ZNF469: variants seen among roughly 807,000 people sequenced by gnomAD.
ZNF469 encodes the protein zinc finger protein 469.
In ZNF469, 1 loss-of-function variant was observed where a neutral mutation model predicts 1.0. The ratio of observed to expected loss-of-function variants is 1.00; its 90% CI spans 0.35 to 4.73. ZNF469 has a LOEUF of 4.73. Ranked by LOEUF, ZNF469 falls within the 30% of genes most tolerant of loss-of-function variation. The pLI is 0.16. For synonymous variants in ZNF469, 2,703 were observed against 2,363.4 expected, an observed-to-expected ratio of 1.14 and a Z score of -4.17; for missense variants, 6,100 against 5,356.3, an observed-to-expected ratio of 1.14 and a Z score of -4.33.
chr16:88,267,542 C>A, the ZNF469 span, among the ~76,000 whole-genome samples: 47 of 152,220 alleles, frequency 3.1e-4, no homozygotes, highest in African/African-American at 1.1e-3. Context: ...AAATAAAGAG[C>A]CTACTTTTCC....
chr16:88,389,139 A>G (rs1264640512), intron 1 of ZNF469, among the ~76,000 whole-genome samples: 1 of 152,160 alleles, frequency 6.6e-6, no homozygotes, highest in Non-Finnish European at 1.5e-5. Flanking sequence ...TATCACCCCA[A>G]AAAAAACCCT....
chr16:88,199,838 C>T, the ZNF469 span, among the ~76,000 whole-genome samples: 3 of 152,166 alleles, frequency 2.0e-5, no homozygotes, highest in Non-Finnish European at 2.9e-5. Flanking sequence ...CAGGCAGAGG[C>T]GCTGGTTTGT....
the ZNF469 span, among the ~76,000 whole-genome samples, chr16:88,318,754 C>T: frequency 6.6e-6 from 1 of 152,204 alleles, no homozygotes; most frequent in African/African-American, 2.4e-5. Flanking sequence ...AGGGGATGCT[C>T]CCTTGGAAAG....
rs1349347394 is a variant in ZNF469 at position 88,431,164 on chromosome 16, G to A, written c.3694G>A (p.Glu1232Lys). 11 of 1,550,144 alleles carry A rather than the reference G, an allele frequency of 7.1e-6. No homozygotes were observed. Among genetic ancestry groups the A allele is most frequent in the Admixed American group, 2.0e-5 (1 of 50,984 alleles). ...GGAGGCCAAGGAGCCTGAAACTGCC[G>A]AAGAGTCAGCCCCGGACAGCACAGA... ...PQEAKEPETA[E>K]ESAPDSTEFT... is the part of the protein sequence containing the mutation. Residue 1232 changes from glutamate to lysine, a missense_variant, in exon 3 of 3, where the codon GAA becomes AAA. Coordinates refer to ENST00000565624, the MANE Select transcript of ZNF469 (RefSeq NM_001367624.2).
the ZNF469 span, among the ~76,000 whole-genome samples, chr16:88,105,993 G>A: frequency 1.3e-5 from 2 of 152,250 alleles, no homozygotes; most frequent in Admixed American, 1.3e-4. Context: ...CTTGGCACGG[G>A]CCCAGTAAGC....
At chr16:88,381,332 A>C (rs1238238952), upstream of ZNF469, among the ~76,000 whole-genome samples, 1 of 148,682 alleles carries the variant, frequency 6.7e-6, no homozygotes, top group African/African-American at 2.5e-5. Flanking sequence ...AGAGACATGC[A>C]CTCGCACACA....
chr16:88,327,509 C>T, the ZNF469 span, among the ~76,000 whole-genome samples: 1 of 152,106 alleles, frequency 6.6e-6, no homozygotes, highest in Non-Finnish European at 1.5e-5. Context: ...CCAGGGCCAG[C>T]TAGGGGCCAG....
chr16:88,354,147 T>C, the ZNF469 span, among the ~76,000 whole-genome samples: 1 of 152,158 alleles, frequency 6.6e-6, no homozygotes, highest in South Asian at 2.1e-4. Flanking sequence ...AGGTGACAGC[T>C]CCCTGTGACA....
the ZNF469 span, among the ~76,000 whole-genome samples, chr16:88,236,294 T>A: frequency 6.6e-6 from 1 of 152,224 alleles, no homozygotes; most frequent in Admixed American, 6.5e-5. Context: ...TGTCAAACAC[T>A]CTATTCCTTC....
At chr16:88,169,793 C>T in the ZNF469 span, among the ~76,000 whole-genome samples, 5 of 152,190 alleles carry the variant, frequency 3.3e-5, no homozygotes, top group African/African-American at 7.2e-5. The surrounding 1 kb of genome is among the most constrained non-coding windows in gnomAD (Gnocchi z 6.1). Context: ...TTCTCCAGAG[C>T]GGCCATGCCA....
At chr16:88,381,827 G>A (rs924670960), upstream of ZNF469, among the ~76,000 whole-genome samples, 3 of 152,224 alleles carry the variant, frequency 2.0e-5, no homozygotes, top group Non-Finnish European at 2.9e-5. Flanking sequence ...TATACCGTTC[G>A]CAGAGTCCCA....
the ZNF469 span, among the ~76,000 whole-genome samples, chr16:88,135,748 G>GTTTTATTA: frequency 4.5e-5 from 3 of 66,930 alleles, 1 homozygote; most frequent in South Asian, 6.1e-4. Flanking sequence ...AGCTGGCCAT[G>GTTTTATTA]TTTTTTTTTT....
At chr16:88,393,366 G>A (rs1416735692) in intron 1 of ZNF469, among the ~76,000 whole-genome samples, 1 of 152,240 alleles carries the variant, frequency 6.6e-6, no homozygotes, top group African/African-American at 2.4e-5. Context: ...GCCGCATTTA[G>A]CTCTGGGAAA....
At chr16:88,221,620 G>A in the ZNF469 span, among the ~76,000 whole-genome samples, 1 of 152,254 alleles carries the variant, frequency 6.6e-6, no homozygotes, top group African/African-American at 2.4e-5. Context: ...GTGCCCCTCT[G>A]AGATCAGTGA....
the ZNF469 span, among the ~76,000 whole-genome samples, chr16:88,334,885 C>G: frequency 6.6e-6 from 1 of 151,016 alleles, no homozygotes; most frequent in Non-Finnish European, 1.5e-5. Context: ...AGGAAGATGC[C>G]GACGGAACGA....
At chr16:88,178,118 C>T in the ZNF469 span, 1 of 152,250 alleles carries the variant, frequency 6.6e-6, no homozygotes, top group African/African-American at 2.4e-5. Flanking sequence ...GGAGTGATCT[C>T]CTTAGTCCAT....
the ZNF469 span, among the ~76,000 whole-genome samples, chr16:88,318,956 T>C: frequency 6.6e-6 from 1 of 152,218 alleles, no homozygotes; most frequent in Non-Finnish European, 1.5e-5. Context: ...TTGCTTTTGT[T>C]TGGGAGCCCA....
Position 88,439,286 on chromosome 16 carries a change from G to A in ZNF469, c.11816G>A (p.Arg3939Lys). The A allele has an allele frequency of 3.2e-6, 5 of 1,550,460 alleles. No homozygotes were observed. The highest frequency in any genetic ancestry group is 4.4e-6 in the Non-Finnish European group (5 of 1,147,006). The change falls in exon 3 of 3, where the codon AGA becomes AAA. Residue 3939 changes from arginine (R) to lysine (K), a missense_variant. Transcript: ENST00000565624. ...CTCCTCAGCCAGCTCTTCGGGCAGA[G>A]ACTAACTGGCTTCAAAATCCCTTTA... The part of the protein sequence containing the change: ...SDLLSQLFGQ[R>K]LTGFKIPLKK...
At position 88,433,366 on chromosome 16, in the gene ZNF469, A is replaced by G; in HGVS notation, c.5896A>G (p.Thr1966Ala). The G allele has an allele frequency of 1.9e-6, 3 of 1,550,114 alleles. No homozygotes were observed. Among genetic ancestry groups the G allele is most frequent in the South Asian group, 1.2e-5 (1 of 84,052 alleles). ...CTCCCCAGGGGGTGTGCAGGTGACA[A>G]CTCTCCCTGCAGTGGCCGGACATCA... The part of the protein sequence containing the change: ...QGSPGGVQVT[T>A]LPAVAGHQLG... The change falls in exon 3 of 3, where the codon ACT (threonine) becomes GCT (alanine). Residue 1966 changes from threonine (T) to alanine (A), a missense_variant. By Grantham distance (58) the Thr-to-Ala change is moderately conservative (BLOSUM62 0). Transcript: ENST00000565624.
Sources: allele counts gnomAD v4.1 joint callset (sites outside exome capture counted in the v4.1 genomes callset), GRCh38; gene constraint gnomAD v4.1.1; non-coding constraint Gnocchi (gnomAD v3.1); transcripts MANE v1.5; gene names NCBI Gene and HGNC (gene_info 2026-07-23, HGNC 2026-07-21).